COX7B2: variants seen among roughly 807,000 people sequenced by gnomAD.
COX7B2 encodes the protein cytochrome c oxidase subunit 7B2, mitochondrial.
For synonymous variants in COX7B2, 37 were observed against 32.1 expected (o/e 1.15, Z -0.51); for missense variants, 109 against 95.9 (o/e 1.14, Z -0.57).
intron 2 of COX7B2, among the ~76,000 whole-genome samples, chr4:46,745,270 C>G (rs1714953257): frequency 6.6e-6 from 1 of 152,118 alleles, no homozygotes; most frequent in Non-Finnish European, 1.5e-5. Context: ...AAATTCTGCT[C>G]AAAATATACC....
chr4:46,896,440 G>A (rs1346904038), intron 1 of COX7B2, among the ~76,000 whole-genome samples: 1 of 152,094 alleles, frequency 6.6e-6, no homozygotes, highest in Non-Finnish European at 1.5e-5. Context: ...CATTAAATAT[G>A]CTAATAAGTC....
chr4:46,805,777 C>T (rs929528801), intron 2 of COX7B2, among the ~76,000 whole-genome samples: 4 of 152,036 alleles, frequency 2.6e-5, no homozygotes, highest in African/African-American at 9.7e-5. Context: ...TTACTCCCTC[C>T]TGCTTCTATT....
chr4:46,898,354 T>C (rs952094176), intron 1 of COX7B2, among the ~76,000 whole-genome samples: 3 of 152,154 alleles, frequency 2.0e-5, no homozygotes, highest in Non-Finnish European at 4.4e-5. Flanking sequence ...TCTTATCATT[T>C]ACTCTTAAAT....
chr4:46,837,148 G>GACTT (rs1715569841), intron 2 of COX7B2, among the ~76,000 whole-genome samples: 2 of 151,968 alleles, frequency 1.3e-5, no homozygotes, highest in African/African-American at 4.8e-5. Flanking sequence ...GAGACTCTGA[G>GACTT]ACTTAGCTCA....
intron 1 of COX7B2, among the ~76,000 whole-genome samples, chr4:46,894,755 T>A (rs1719648711): frequency 6.6e-6 from 1 of 152,166 alleles, no homozygotes; most frequent in African/African-American, 2.4e-5. Context: ...AAAGGTCTAA[T>A]ACCCAGCATC....
At chr4:46,836,429 T>C (rs1715520460) in intron 2 of COX7B2, among the ~76,000 whole-genome samples, 2 of 151,712 alleles carry the variant, frequency 1.3e-5, no homozygotes, top group Non-Finnish European at 2.9e-5. Flanking sequence ...CTAGAAAGAG[T>C]TAGGATCATC....
intron 2 of COX7B2, among the ~76,000 whole-genome samples, chr4:46,771,131 C>G (rs2109516419): frequency 6.6e-6 from 1 of 151,876 alleles, no homozygotes; most frequent in South Asian, 2.1e-4. Flanking sequence ...AATAAGTAAC[C>G]CAATTTAAAA....
At chr4:46,822,896 A>G (rs1714404001) in intron 2 of COX7B2, among the ~76,000 whole-genome samples, 2 of 152,242 alleles carry the variant, frequency 1.3e-5, no homozygotes, top group Admixed American at 1.3e-4. Context: ...AAACAAAAAC[A>G]AAACTATACA....
At chr4:46,888,029 T>C (rs6856047) in intron 1 of COX7B2, among the ~76,000 whole-genome samples, 2 of 152,218 alleles carry the variant, frequency 1.3e-5, no homozygotes, top group East Asian at 3.9e-4. Flanking sequence ...GACACCACTC[T>C]TAATGACTCA....
chr4:46,818,372 G>C (rs1272333568), intron 2 of COX7B2, among the ~76,000 whole-genome samples: 1 of 152,086 alleles, frequency 6.6e-6, no homozygotes, highest in South Asian at 2.1e-4. Flanking sequence ...CGTGGCTCAC[G>C]CCTGTAAACC....
intron 2 of COX7B2, among the ~76,000 whole-genome samples, chr4:46,762,616 T>C (rs1716255528): frequency 1.3e-5 from 2 of 149,360 alleles, no homozygotes; most frequent in African/African-American, 2.5e-5. Context: ...GTAGAGAGCA[T>C]AGAAAATCTG....
At chr4:46,889,899 GT>G (rs35632610) in intron 1 of COX7B2, among the ~76,000 whole-genome samples, 20,174 of 140,182 alleles carry the variant, frequency 0.14, 1,473 homozygotes, top group South Asian at 0.27. Context: ...TTTCAGTATG[GT>G]TTTTTTTTTT....
intron 2 of COX7B2, among the ~76,000 whole-genome samples, chr4:46,782,692 T>G (rs895508956): frequency 2.6e-5 from 4 of 152,112 alleles, no homozygotes; most frequent in African/African-American, 7.2e-5. Flanking sequence ...ACCATGAAGG[T>G]CTTCAGCTTC....
At chr4:46,888,409 C>T (rs778611262) in intron 1 of COX7B2, among the ~76,000 whole-genome samples, 54 of 151,304 alleles carry the variant, frequency 3.6e-4, no homozygotes, top group African/African-American at 1.1e-3. Flanking sequence ...ATTTAAGTAA[C>T]GGTGCTGGAC....
chr4:46,874,163 C>T (rs941374632), intron 1 of COX7B2, among the ~76,000 whole-genome samples: 1 of 152,026 alleles, frequency 6.6e-6, no homozygotes, highest in African/African-American at 2.4e-5. Flanking sequence ...GGGCATTCAG[C>T]TCAGATTTCC....
intron 1 of COX7B2, among the ~76,000 whole-genome samples, chr4:46,855,950 T>G (rs1716986682): frequency 6.6e-6 from 1 of 152,062 alleles, no homozygotes; most frequent in Non-Finnish European, 1.5e-5. Flanking sequence ...AATATTTATT[T>G]AAAAAATCCC....
At chr4:46,742,378 T>C (rs1714767788) in intron 2 of COX7B2, among the ~76,000 whole-genome samples, 1 of 152,120 alleles carries the variant, frequency 6.6e-6, no homozygotes, top group Non-Finnish European at 1.5e-5. Context: ...ACCTGCAGTG[T>C]CTTCAATTCA....
chr4:46,882,455 G>T (rs900807863), intron 1 of COX7B2, among the ~76,000 whole-genome samples: 3 of 152,144 alleles, frequency 2.0e-5, no homozygotes, highest in Non-Finnish European at 4.4e-5. Context: ...CTAACAACTT[G>T]CTTTATGAAT....
chr4:46,894,034 G>A (rs1719601396), intron 1 of COX7B2, among the ~76,000 whole-genome samples: 1 of 151,930 alleles, frequency 6.6e-6, no homozygotes, highest in Admixed American at 6.6e-5. Flanking sequence ...AAATGGAAAA[G>A]CATCTCATAC....
Sources: allele counts gnomAD v4.1 joint callset (sites outside exome capture counted in the v4.1 genomes callset), GRCh38; gene constraint gnomAD v4.1.1; transcripts MANE v1.5; gene names NCBI Gene and HGNC (gene_info 2026-07-23, HGNC 2026-07-21).